SLC12A7: variants seen among roughly 807,000 people sequenced by gnomAD.
SLC12A7 encodes solute carrier family 12 member 7, also known as K-Cl cotransporter 4.
SLC12A7 carries 100 observed loss-of-function variants against 120.6 expected under a neutral mutation model. That is an observed-to-expected ratio of 0.83 (90% CI 0.71 to 0.98). The LOEUF (loss-of-function observed/expected upper bound fraction) is 0.98. Among genes scored for constraint, SLC12A7 ranks in the 50% least tolerant of loss-of-function variants. SLC12A7 has a pLI of 0.00. For synonymous variants in SLC12A7, 760 were observed against 678.0 expected (o/e 1.12, Z -1.88); for missense variants, 1,373 against 1,548.1 (o/e 0.89, Z 1.90).
rs4246750 is a variant in SLC12A7 at position 1,060,519 on chromosome 5, C to T, written c.2740-68G>A. 1,098,572 of 1,217,424 alleles carry T rather than the reference C, an allele frequency of 0.9. 508,014 individuals carry two copies. Among genetic ancestry groups the T allele is most frequent in the East Asian group, 0.96 (41,087 of 42,918 alleles). The allele number at this position is 1,217,424 out of a possible 1,614,324, so 75.4% of individuals were successfully genotyped here. A position where few individuals can be genotyped will look rare whatever the true frequency, so the allele number is the denominator to read the frequency against. On this transcript the variant is annotated intron_variant, in intron 20 of 23. Coordinates refer to ENST00000264930, the MANE Select transcript of SLC12A7 (RefSeq NM_006598.3). ...ACCACGGATGGCTCCAACACCAGCC[C>T]GGTACCCAGAGACCGAGCCGCCCTG... is the stretch of plus-strand genomic sequence containing the variant.
chr5:1,075,352 G>A lies in SLC12A7; in HGVS notation c.1967+19C>T, dbSNP rs371933452. On this transcript the variant is annotated intron_variant, in intron 15 of 23. Transcript: ENST00000264930. ...CCCTCCCGTGCGCCGGGTCTGTAAG[G>A]GGGGCTGACAGCGCTTACCCGCGGT... 2 of 1,605,662 alleles carry A rather than the reference G, an allele frequency of 1.2e-6. No homozygotes were observed. The highest frequency in any genetic ancestry group is 2.7e-5 in the African/African-American group (2 of 74,942).
chr5:1,078,627 C>A (rs1270677797), intron 11 of SLC12A7, 74 bp downstream of exon 11: 3 of 1,281,640 alleles, frequency 2.3e-6, no homozygotes, highest in Non-Finnish European at 3.4e-6. Flanking sequence ...GATGTAATTT[C>A]AAAGCCGAAT....
chr5:1,075,823 T>C (rs988867132), intron 14 of SLC12A7: 2 of 505,644 alleles, frequency 4.0e-6, no homozygotes, highest in East Asian at 6.2e-5. Flanking sequence ...CCCACAGCCC[T>C]GATGGGCTAC....
the SLC12A7 span, among the ~76,000 whole-genome samples, chr5:1,153,032 G>A: frequency 2.0e-5 from 3 of 152,224 alleles, no homozygotes; most frequent in African/African-American, 7.2e-5. Flanking sequence ...TTAAATAATA[G>A]GTCTTCTGTT....
chr5:1,137,042 CCAA>C, the SLC12A7 span, among the ~76,000 whole-genome samples: 1 of 151,938 alleles, frequency 6.6e-6, no homozygotes. Context: ...CTCACACACT[CCAA>C]CACCAGGACA....
rs191506932 is a variant in SLC12A7 at position 1,105,124 on chromosome 5, G to A, written c.124+6744C>T. Among the ~76,000 whole-genome samples, 610 of 144,138 alleles carry A rather than the reference G, an allele frequency of 4.2e-3. 4 individuals are homozygous for A. The highest frequency in any genetic ancestry group is 0.02 in the Middle Eastern group (5 of 246). 94.6% of individuals were successfully genotyped at this position (144,138 alleles called of 152,430 possible). A position where few individuals can be genotyped will look rare whatever the true frequency, so the allele number is the denominator to read the frequency against. Reference sequence around the variant, plus strand: ...CCACCAGCCAAAGGGGACCCTCCCCGCAGGGATGAGGTCCTGCAGTCACCC... The same window carrying A: ...CCACCAGCCAAAGGGGACCCTCCCCACAGGGATGAGGTCCTGCAGTCACCC... On this transcript the variant is annotated intron_variant, in intron 1 of 23. Coordinates refer to ENST00000264930, the MANE Select transcript of SLC12A7 (RefSeq NM_006598.3).
chr5:1,057,529 TCTC>T lies in SLC12A7; in HGVS notation c.2965_2967del (p.Glu989del). 1 of 1,613,402 alleles carries T rather than the reference TCTC, an allele frequency of 6.2e-7. No homozygotes were observed. Among genetic ancestry groups the T allele is most frequent in the Admixed American group, 1.7e-5 (1 of 60,010 alleles). On this transcript the variant is annotated inframe_deletion, in exon 22 of 24. Transcript: ENST00000264930. ...AGGCTGGTGTCTCTGCTCCTGTACT[TCTC>T]AGCGATCAGCTTCTCCCTGGTCCAG...
At chr5:1,074,086 G>T (rs1039401333) in intron 16 of SLC12A7, among the ~76,000 whole-genome samples, 1 of 152,112 alleles carries the variant, frequency 6.6e-6, no homozygotes, top group Non-Finnish European at 1.5e-5. Context: ...AGGAGAACAG[G>T]TAGGTTAGAC....
rs370767568 is a variant in SLC12A7 at position 1,059,332 on chromosome 5, T to C, written c.2847+1012A>G. On this transcript the variant is annotated intron_variant, in intron 21 of 23. Coordinates refer to ENST00000264930, the MANE Select transcript of SLC12A7 (RefSeq NM_006598.3). ...AGTCGCTGCTTAGTGATTCCGGCTGTCAGCACATATGGCCCCACACGCAGA... is the reference window on the plus strand; with the variant it reads ...AGTCGCTGCTTAGTGATTCCGGCTGCCAGCACATATGGCCCCACACGCAGA... Among the ~76,000 whole-genome samples the C allele has an allele frequency of 5.3e-5, 8 of 152,308 alleles. No homozygotes were observed. In the East Asian group the frequency reaches 9.7e-4, roughly 18 times the overall value.
At chr5:1,122,931 G>C in the SLC12A7 span, among the ~76,000 whole-genome samples, 1 of 152,274 alleles carries the variant, frequency 6.6e-6, no homozygotes, top group Non-Finnish European at 1.5e-5. Context: ...CCCCACGTGC[G>C]CACGCACAAG....
rs374828889 is a variant in SLC12A7, at chr5:1,082,735, A to G, written c.1130-991T>C. On this transcript the variant is annotated intron_variant, in intron 8 of 23. Coordinates refer to ENST00000264930, the MANE Select transcript of SLC12A7 (RefSeq NM_006598.3). ...GGGTTCTGGAAAGCCTGGGCTTCCCATCTCAGGTTCTGGAAAGTCCAGGCT... is the reference window on the plus strand; with the variant it reads ...GGGTTCTGGAAAGCCTGGGCTTCCCGTCTCAGGTTCTGGAAAGTCCAGGCT... 1.1e-3 allele frequency among the ~76,000 whole-genome samples: 112 copies of G among 102,306 alleles called. 1 individual carries two copies. The highest frequency in any genetic ancestry group is 1.7e-3 in the African/African-American group (45 of 26,394). 67.1% of individuals were successfully genotyped at this position (102,306 alleles called of 152,430 possible). A position where few individuals can be genotyped will look rare whatever the true frequency, so the allele number is the denominator to read the frequency against.
Position 1,076,724 on chromosome 5 carries a change from G to C in SLC12A7, c.1718C>G (p.Ser573Cys). 2 of 1,611,502 alleles carry C rather than the reference G, an allele frequency of 1.2e-6. No individual in the cohort carries two copies. Among genetic ancestry groups the C allele is most frequent in the Non-Finnish European group, 8.5e-7 (1 of 1,179,924 alleles). ...GAGGATCGGGGCCACGCTGTCCAGA[G>C]AGGCGATGAGGATGCCAGTCTCGCA... Reference protein sequence around the residue: ...LICETGILIASLDSVAPILSM... With the variant: ...LICETGILIACLDSVAPILSM... The change falls in exon 13 of 24, where the codon TCT (serine) becomes TGT (cysteine). Residue 573 changes from serine (S) to cysteine (C), a missense_variant. Transcript: ENST00000264930.
chr5:1,075,321 G>T (rs573093622), intron 15 of SLC12A7, 50 bp downstream of exon 15: 1 of 1,583,606 alleles, frequency 6.3e-7, no homozygotes, highest in Non-Finnish European at 8.6e-7. Flanking sequence ...GCATGAGAGG[G>T]GCCCGCCCTC....
chr5:1,136,987 G>A, the SLC12A7 span, among the ~76,000 whole-genome samples: 1 of 134,284 alleles, frequency 7.4e-6, no homozygotes, highest in Non-Finnish European at 1.5e-5. Flanking sequence ...CACACCACCA[G>A]GACACACATG....
chr5:1,104,838 G>A (rs979042279), intron 1 of SLC12A7, among the ~76,000 whole-genome samples: 1 of 152,242 alleles, frequency 6.6e-6, no homozygotes, highest in Non-Finnish European at 1.5e-5. Flanking sequence ...ACAGGCACGG[G>A]CTGGCAGGAT....
intron 23 of SLC12A7, among the ~76,000 whole-genome samples, chr5:1,052,680 A>C (rs1735177505): frequency 6.6e-6 from 1 of 152,142 alleles, no homozygotes; most frequent in Non-Finnish European, 1.5e-5. Flanking sequence ...CCGTGGCCAC[A>C]GGGAGGACGA....
upstream of SLC12A7, among the ~76,000 whole-genome samples, chr5:1,115,723 T>A (rs1435303250): frequency 6.6e-6 from 1 of 151,986 alleles, no homozygotes; most frequent in African/African-American, 2.4e-5. Context: ...GCCACCCGCC[T>A]TCTGCCTGGC....
chr5:1,061,174 C>A (rs75507047), intron 20 of SLC12A7, among the ~76,000 whole-genome samples: 94 of 22,034 alleles, frequency 4.3e-3, no homozygotes, highest in Middle Eastern at 0.038. Context: ...GGGACCCCTG[C>A]GTCTCACCCA....
At chr5:1,081,830 C>G in intron 8 of SLC12A7, 86 bp from the exon 9 acceptor site, 1 of 1,498,702 alleles carries the variant, frequency 6.7e-7, no homozygotes, top group South Asian at 1.3e-5. Context: ...CGGCAGGTGC[C>G]ACTGGTGGCC....
Sources: gnomAD v4.1 joint callset for allele counts (sites outside exome capture counted in the v4.1 genomes callset) on GRCh38, gnomAD v4.1.1 for gene constraint, MANE v1.5 for transcripts, NCBI Gene and HGNC (gene_info 2026-07-23, HGNC 2026-07-21) for gene names.